The following QTRT2 variants were observed in gnomAD, a reference collection of about 807,000 sequenced individuals.
The protein encoded by QTRT2 is queuine tRNA-ribosyltransferase accessory subunit 2.
QTRT2 carries 32 observed loss-of-function variants against 44.8 expected under a neutral mutation model. That is an observed-to-expected ratio of 0.71 (90% CI 0.54 to 0.96). The LOEUF (loss-of-function observed/expected upper bound fraction) is 0.96. QTRT2 is among the 40% of genes least tolerant of loss of function. The pLI, the probability that QTRT2 is intolerant of heterozygous loss-of-function variation, is 0.00. For synonymous variants in QTRT2, 182 were observed against 187.4 expected (o/e 0.97, Z 0.24); for missense variants, 461 against 503.1 (o/e 0.92, Z 0.80).
chr3:114,060,149 GA>G (rs1247074755), intron 2 of QTRT2, among the ~76,000 whole-genome samples: 2 of 152,090 alleles, frequency 1.3e-5, no homozygotes, highest in Non-Finnish European at 2.9e-5. Context: ...AGATGAGAAA[GA>G]AGAGAGAAGA....
intron 2 of QTRT2, among the ~76,000 whole-genome samples, chr3:114,059,972 A>T (rs1279321085): frequency 6.6e-6 from 1 of 152,206 alleles, no homozygotes; most frequent in Non-Finnish European, 1.5e-5. Flanking sequence ...GTTATTTGGG[A>T]TTAAAGCATT....
chr3:114,083,107 A>G (rs1490573061), intron 9 of QTRT2: 1 of 295,930 alleles, frequency 3.4e-6, no homozygotes, highest in African/African-American at 2.2e-5. Context: ...ATAAAACAAC[A>G]AAGTTTTAAA....
intron 6 of QTRT2, among the ~76,000 whole-genome samples, chr3:114,072,558 C>T (rs1044153180): frequency 2.0e-5 from 3 of 152,210 alleles, no homozygotes; most frequent in Non-Finnish European, 4.4e-5. Context: ...CATTTGTCTT[C>T]ATTAAACTGT....
intron 2 of QTRT2, among the ~76,000 whole-genome samples, chr3:114,065,036 T>G (rs16861476): frequency 0.076 from 11,538 of 152,288 alleles, 482 homozygotes; most frequent in Middle Eastern, 0.11. Context: ...AATATGTGGT[T>G]CTGGGACCTT....
At position 114,065,440 on chromosome 3, in the gene QTRT2, G is replaced by C; in HGVS notation, c.183G>C (p.Gln61His). Residue 61 changes from glutamine (Q) to histidine (H), a missense_variant, in exon 3 of 10, where the codon CAG becomes CAC. Gln to His is a conservative substitution (Grantham distance 24). Coordinates refer to ENST00000281273, the MANE Select transcript of QTRT2 (RefSeq NM_024638.4). ...TCCACGGGGTTCCTGCCATGGCTCA[G>C]CTTACGCTGTCATCCCTGTAAGTGT... ...HNIHGVPAMA[Q>H]LTLSSLAEHH... 6.2e-7 allele frequency: 1 copy of C among 1,613,576 alleles called. No individual in the cohort carries two copies.
chr3:114,063,386 G>A (rs1262366447), intron 2 of QTRT2, among the ~76,000 whole-genome samples: 1 of 152,092 alleles, frequency 6.6e-6, no homozygotes, highest in East Asian at 1.9e-4. Flanking sequence ...ATTTTCTACA[G>A]TATGCTTTTA....
intron 5 of QTRT2, 25 bp from the exon 6 acceptor site, chr3:114,070,601 T>G (rs1559953954): frequency 1.3e-6 from 2 of 1,590,322 alleles, no homozygotes; most frequent in Non-Finnish European, 1.7e-6. Flanking sequence ...TCTTGCTAAT[T>G]CCTCATCATT....
intron 5 of QTRT2, among the ~76,000 whole-genome samples, chr3:114,068,887 A>G (rs911786123): frequency 7.2e-5 from 11 of 152,118 alleles, no homozygotes; most frequent in Non-Finnish European, 7.3e-5. Flanking sequence ...CATCTCTACT[A>G]CAGATACAAA....
At chr3:114,063,647 T>C (rs1049429168) in intron 2 of QTRT2, among the ~76,000 whole-genome samples, 4 of 152,180 alleles carry the variant, frequency 2.6e-5, no homozygotes, top group South Asian at 2.1e-4. Context: ...CAAACACTTA[T>C]ATTAGTTTTT....
intron 6 of QTRT2, among the ~76,000 whole-genome samples, chr3:114,074,389 C>G (rs2077062219): frequency 6.6e-6 from 1 of 152,164 alleles, no homozygotes; most frequent in Admixed American, 6.5e-5. Flanking sequence ...TTGTCTTTAT[C>G]CTCTCCTTGG....
At chr3:114,077,202 A>G (rs535708543) in intron 7 of QTRT2, 1 of 440,490 alleles carries the variant, frequency 2.3e-6, no homozygotes, top group Admixed American at 3.6e-5. Context: ...AGTGAGAGCA[A>G]GTATTATACT....
At position 114,057,080 on chromosome 3, in the gene QTRT2, C is replaced by T. The variant is rs2076803556; in HGVS notation, c.-48C>T. 18 of 1,370,182 alleles carry T rather than the reference C, an allele frequency of 1.3e-5. No individual in the cohort carries two copies. The East Asian group carries it at 5.1e-4, about 39-fold the overall frequency. The allele number at this position is 1,370,182 out of a possible 1,614,324, so 84.9% of individuals were successfully genotyped here. ...CGCCGACACCTCTGAGATAAAAGGGCCCCTTTCGACTAGCCTCTGCTGAAA... is the reference window on the plus strand; with the variant it reads ...CGCCGACACCTCTGAGATAAAAGGGTCCCTTTCGACTAGCCTCTGCTGAAA... On this transcript the variant is annotated 5_prime_UTR_variant, in exon 2 of 10. Transcript: ENST00000281273.
At chr3:114,076,118 C>T (rs1192701086) in intron 6 of QTRT2, among the ~76,000 whole-genome samples, 2 of 152,078 alleles carry the variant, frequency 1.3e-5, no homozygotes, top group African/African-American at 4.8e-5. Flanking sequence ...CAAATTAAAA[C>T]TCTTATTTTG....
intron 2 of QTRT2, among the ~76,000 whole-genome samples, chr3:114,063,740 A>C (rs1026427923): frequency 6.6e-6 from 1 of 152,134 alleles, no homozygotes; most frequent in Non-Finnish European, 1.5e-5. Context: ...AGTTATTCTT[A>C]TGTCTAAGAT....
intron 2 of QTRT2, among the ~76,000 whole-genome samples, chr3:114,060,472 A>ACAGG (rs2076865710): frequency 6.8e-6 from 1 of 146,614 alleles, no homozygotes; most frequent in Non-Finnish European, 1.5e-5. Flanking sequence ...CCCCAGATAG[A>ACAGG]TAGGTAGGTA....
chr3:114,065,144 A>G lies in QTRT2; in HGVS notation c.-21-93A>G, dbSNP rs186674952. On this transcript the variant is annotated intron_variant, in intron 2 of 9. Coordinates refer to ENST00000281273, the MANE Select transcript of QTRT2 (RefSeq NM_024638.4). ...TGGAAGCAGTAATAAGCATGCTATC[A>G]TTCATTTTCCTGAAGATTTTTTTTT... is the stretch of plus-strand genomic sequence containing the variant. 7.5e-4 allele frequency: 587 copies of G among 787,498 alleles called. 2 individuals are homozygous for G. The highest frequency in any genetic ancestry group is 5.6e-3 in the Admixed American group (241 of 42,780). 48.8% of individuals were successfully genotyped at this position (787,498 alleles called of 1,614,324 possible).
intron 7 of QTRT2, chr3:114,077,593 A>G (rs2077107992): frequency 6.6e-6 from 1 of 152,166 alleles, no homozygotes; most frequent in Non-Finnish European, 1.5e-5. Context: ...ATGGTTTGTT[A>G]TCTTAATGTG....
At chr3:114,073,574 T>C (rs1577532216) in intron 6 of QTRT2, among the ~76,000 whole-genome samples, 1 of 152,120 alleles carries the variant, frequency 6.6e-6, no homozygotes, top group Non-Finnish European at 1.5e-5. Flanking sequence ...AGAGATGGGG[T>C]TTCACTGTGT....
chr3:114,082,659 T>C lies in QTRT2; in HGVS notation c.899-18T>C. On this transcript the variant is annotated intron_variant, in intron 8 of 9. Transcript: ENST00000281273. Reference sequence around the variant, plus strand: ...TATCTGATCATCATTCAAGCCTTTTTATTGGTTTGTCCTTCAGTACTACAA... The same window carrying C: ...TATCTGATCATCATTCAAGCCTTTTCATTGGTTTGTCCTTCAGTACTACAA... 1 of 991,574 alleles carries C rather than the reference T, an allele frequency of 1.0e-6. No homozygotes were observed. The highest frequency in any genetic ancestry group is 1.5e-6 in the Non-Finnish European group (1 of 658,174). 61.4% of individuals were successfully genotyped at this position (991,574 alleles called of 1,614,324 possible).
Sources: allele counts gnomAD v4.1 joint callset (sites outside exome capture counted in the v4.1 genomes callset), GRCh38; gene constraint gnomAD v4.1.1; transcripts MANE v1.5; gene names NCBI Gene and HGNC (gene_info 2026-07-23, HGNC 2026-07-21).